The following RANBP17 variants were observed in gnomAD, a reference collection of about 807,000 sequenced individuals.
RANBP17 encodes the protein ran-binding protein 17.
In RANBP17, 158 loss-of-function variants were observed where a neutral mutation model predicts 141.2. The ratio of observed to expected loss-of-function variants is 1.12; its 90% confidence interval spans 0.98 to 1.28. The LOEUF (loss-of-function observed/expected upper bound fraction) is 1.28, where lower values mean the gene tolerates loss of function less well. Ranked by LOEUF, RANBP17 falls within the 50% of genes most tolerant of loss-of-function variation. The pLI, the probability that RANBP17 is intolerant of heterozygous loss-of-function variation, is 0.00. For synonymous variants in RANBP17, 430 were observed against 450.0 expected, an observed-to-expected ratio of 0.96 and a Z score of 0.56; for missense variants, 1,438 against 1,290.7, an observed-to-expected ratio of 1.11 and a Z score of -1.75.
intron 14 of RANBP17, among the ~76,000 whole-genome samples, chr5:171,087,203 G>A (rs1395793905): frequency 6.6e-6 from 1 of 151,146 alleles, no homozygotes; most frequent in East Asian, 1.9e-4. Flanking sequence ...CTTTATTTCT[G>A]CCTTCATTTC....
chr5:171,157,312 C>T (rs1466212405), intron 14 of RANBP17, among the ~76,000 whole-genome samples: 1 of 152,162 alleles, frequency 6.6e-6, no homozygotes, highest in Non-Finnish European at 1.5e-5. Context: ...TATGAATGTA[C>T]ATCTGCATGT....
intron 24 of RANBP17, chr5:171,251,975 AAGC>A: frequency 6.2e-7 from 1 of 1,609,574 alleles, no homozygotes; most frequent in Non-Finnish European, 8.5e-7. Context: ...TCAGTTCTTC[AAGC>A]ACTTTATTTT....
intron 13 of RANBP17, among the ~76,000 whole-genome samples, chr5:170,963,524 A>G (rs568575557): frequency 1.3e-5 from 2 of 152,360 alleles, no homozygotes; most frequent in Admixed American, 6.5e-5. Context: ...TTAGTAGAAG[A>G]TGGTTTTTCC....
chr5:170,968,755 A>C (rs1776776422), intron 14 of RANBP17: 1 of 454,686 alleles, frequency 2.2e-6, no homozygotes, highest in African/African-American at 2.0e-5. Context: ...ATATTTCACT[A>C]ATTTCTTGGC....
chr5:170,911,586 A>G (rs748047330), intron 7 of RANBP17, among the ~76,000 whole-genome samples: 12 of 151,616 alleles, frequency 7.9e-5, no homozygotes, highest in Admixed American at 2.6e-4. Flanking sequence ...TGGCAGTTCA[A>G]TAGGTGATTC....
In RANBP17 at chr5:171,264,122, G is replaced by A. The variant is rs1023215381; in HGVS notation, c.2777-1559G>A. The stretch of plus-strand genomic sequence containing the variant: ...TTTTTGCTTATTACCTAGTTTTAAT[G>A]TAGTGGTTAAGAATACAGATCCAGA... On this transcript the variant is annotated intron_variant, in intron 24 of 27. Transcript: ENST00000523189. Among the ~76,000 whole-genome samples the A allele has an allele frequency of 3.9e-5, 6 of 152,304 alleles. No individual in the cohort carries two copies. In the South Asian group the frequency reaches 6.2e-4, roughly 16 times the overall value.
In RANBP17 at chr5:171,240,910, G is replaced by A. The variant is rs1581098861; in HGVS notation, c.2423-18G>A. 1 of 1,566,220 alleles carries A rather than the reference G, an allele frequency of 6.4e-7. No individual in the cohort carries two copies. On this transcript the variant is annotated intron_variant, in intron 22 of 27. Transcript: ENST00000523189. Reference sequence around the variant, plus strand: ...ATGACATCTACTTATGTCACTTTCTGCTTTTATCCTGAAACAGGTAATCAG... The same window carrying A: ...ATGACATCTACTTATGTCACTTTCTACTTTTATCCTGAAACAGGTAATCAG...
intron 14 of RANBP17, among the ~76,000 whole-genome samples, chr5:171,139,428 A>G (rs920279847): frequency 1.3e-5 from 2 of 152,170 alleles, no homozygotes; most frequent in African/African-American, 4.8e-5. Context: ...CTACATACTT[A>G]TCTTTCTTTC....
At chr5:171,040,756 A>G (rs1050462529) in intron 14 of RANBP17, among the ~76,000 whole-genome samples, 1 of 152,150 alleles carries the variant, frequency 6.6e-6, no homozygotes, top group Non-Finnish European at 1.5e-5. Flanking sequence ...TAAAAAGTTA[A>G]CTTTTGAAAC....
chr5:171,110,061 T>C (rs1755114587), intron 14 of RANBP17, among the ~76,000 whole-genome samples: 1 of 151,950 alleles, frequency 6.6e-6, no homozygotes, highest in Admixed American at 6.6e-5. Flanking sequence ...TATTATGTCT[T>C]TTTTCTTATT....
chr5:171,069,077 G>A (rs964867375), intron 14 of RANBP17, among the ~76,000 whole-genome samples: 1 of 152,128 alleles, frequency 6.6e-6, no homozygotes, highest in South Asian at 2.1e-4. Context: ...TTACCTGAAT[G>A]CCTGGAACCA....
chr5:170,995,529 A>C (rs950760391), intron 14 of RANBP17, among the ~76,000 whole-genome samples: 2 of 152,168 alleles, frequency 1.3e-5, no homozygotes, highest in African/African-American at 4.8e-5. Context: ...TGAATAAATA[A>C]TTTGAAATAC....
chr5:171,255,723 C>T (rs1561805022), intron 24 of RANBP17, among the ~76,000 whole-genome samples: 1 of 152,028 alleles, frequency 6.6e-6, no homozygotes, highest in Non-Finnish European at 1.5e-5. Context: ...AAGAAGTGAC[C>T]TATGAAGAAA....
chr5:171,189,881 A>C (rs1761511159), intron 18 of RANBP17, among the ~76,000 whole-genome samples: 1 of 152,204 alleles, frequency 6.6e-6, no homozygotes, highest in African/African-American at 2.4e-5. Flanking sequence ...TCATGGAAAC[A>C]AGGAAGAAAA....
chr5:171,134,977 A>G (rs1757170272), intron 14 of RANBP17, among the ~76,000 whole-genome samples: 1 of 151,906 alleles, frequency 6.6e-6, no homozygotes, highest in Non-Finnish European at 1.5e-5. Flanking sequence ...AAGTAAAGAG[A>G]AAAGTTTAAG....
intron 14 of RANBP17, among the ~76,000 whole-genome samples, chr5:171,130,029 A>C (rs1756787432): frequency 6.6e-6 from 1 of 152,228 alleles, no homozygotes; most frequent in Admixed American, 6.5e-5. Context: ...CTACTTTTTA[A>C]AAGGAAAATC....
intron 24 of RANBP17, among the ~76,000 whole-genome samples, chr5:171,249,997 C>A (rs1765454276): frequency 6.6e-6 from 1 of 152,116 alleles, no homozygotes; most frequent in African/African-American, 2.4e-5. Flanking sequence ...AGAGCAAATC[C>A]TTAAAACTGC....
At chr5:171,287,258 A>G (rs911252195) in intron 25 of RANBP17, among the ~76,000 whole-genome samples, 26 of 152,212 alleles carry the variant, frequency 1.7e-4, no homozygotes, top group African/African-American at 6.0e-4. Flanking sequence ...TGGGAGGCCA[A>G]GGTGGGCGAG....
At chr5:170,955,689 A>G in intron 13 of RANBP17, among the ~76,000 whole-genome samples, 1 of 62,982 alleles carries the variant, frequency 1.6e-5, no homozygotes, top group Non-Finnish European at 3.3e-5. Flanking sequence ...TATACACTGA[A>G]TGAACTCTGT....
Sources: allele counts gnomAD v4.1 joint callset (sites outside exome capture counted in the v4.1 genomes callset), GRCh38; gene constraint gnomAD v4.1.1; transcripts MANE v1.5; gene names NCBI Gene and HGNC (gene_info 2026-07-23, HGNC 2026-07-21).